The following IGSF21 variants were observed in gnomAD, a reference collection of about 807,000 sequenced individuals.
IGSF21 encodes the protein immunoglobin superfamily member 21, also known as immunoglobulin superfamily member 21.
In IGSF21, 28 loss-of-function variants were observed where a neutral mutation model predicts 46.8. The ratio of observed to expected loss-of-function variants is 0.60; its 90% CI spans 0.44 to 0.82. The LOEUF (loss-of-function observed/expected upper bound fraction) is 0.82. Ranked by LOEUF, IGSF21 falls within the 40% of genes least tolerant of loss-of-function variation. The pLI, the probability that IGSF21 is intolerant of heterozygous loss-of-function variation, is 0.00. For synonymous variants in IGSF21, 284 were observed against 273.6 expected, an observed-to-expected ratio of 1.04 and a Z score of -0.38; for missense variants, 624 against 665.5, an observed-to-expected ratio of 0.94 and a Z score of 0.69.
intron 2 of IGSF21, among the ~76,000 whole-genome samples, chr1:18,289,079 C>G (rs1167714691): frequency 6.6e-6 from 1 of 151,982 alleles, no homozygotes; most frequent in Non-Finnish European, 1.5e-5. Context: ...GTGTATTTTC[C>G]TCGTAATAAA....
At chr1:18,276,669 T>C (rs1026832489) in intron 2 of IGSF21, among the ~76,000 whole-genome samples, 4 of 152,176 alleles carry the variant, frequency 2.6e-5, no homozygotes, top group Non-Finnish European at 4.4e-5. Context: ...TGCTGAGAGC[T>C]GGGGTCACAA....
chr1:18,328,527 C>T (rs537370970), intron 3 of IGSF21, among the ~76,000 whole-genome samples: 1 of 152,122 alleles, frequency 6.6e-6, no homozygotes, highest in Non-Finnish European at 1.5e-5. Context: ...TGTCTTGTTC[C>T]CTTATATATA....
At chr1:18,363,401 T>C (rs1168155099) in intron 5 of IGSF21, among the ~76,000 whole-genome samples, 3 of 152,026 alleles carry the variant, frequency 2.0e-5, no homozygotes, top group Non-Finnish European at 4.4e-5. Flanking sequence ...GGGTGGTAAA[T>C]GGGTCTGTAG....
chr1:18,342,065 T>TTTG lies in IGSF21; in HGVS notation c.424+7057_424+7058insGTT, dbSNP rs547423721. 5.6e-5 allele frequency among the ~76,000 whole-genome samples: 7 copies of TTTG among 124,546 alleles called. No homozygotes were observed. The East Asian group carries it at 1.4e-3, about 24-fold the overall frequency. 81.7% of individuals were successfully genotyped at this position (124,546 alleles called of 152,430 possible). A position where few individuals can be genotyped will look rare whatever the true frequency, so the allele number is the denominator to read the frequency against. On this transcript the variant is annotated intron_variant, in intron 4 of 9. Coordinates refer to ENST00000251296, the MANE Select transcript of IGSF21 (RefSeq NM_032880.5). ...GGTGCATTTTCCTTGTTTTTTTTTT[T>TTTG]TTTGTTTGTTTGTTTGTTTGTTTGC...
intron 3 of IGSF21, among the ~76,000 whole-genome samples, chr1:18,293,955 C>A (rs2085290081): frequency 6.6e-6 from 1 of 152,224 alleles, no homozygotes; most frequent in Admixed American, 6.5e-5. Flanking sequence ...TACCAGAAGA[C>A]CCAGATGAAA....
At chr1:18,370,139 T>C (rs543266132) in intron 6 of IGSF21, among the ~76,000 whole-genome samples, 1 of 152,082 alleles carries the variant, frequency 6.6e-6, no homozygotes, top group South Asian at 2.1e-4. Context: ...GTTATTAGAG[T>C]AGCCTTCAAA....
chr1:18,236,548 G>A (rs2084674743), intron 2 of IGSF21, among the ~76,000 whole-genome samples: 1 of 152,198 alleles, frequency 6.6e-6, no homozygotes, highest in African/African-American at 2.4e-5. Flanking sequence ...AGCCGCTATT[G>A]AGGCCACAAA....
At chr1:18,303,348 C>T (rs1171884608) in intron 3 of IGSF21, among the ~76,000 whole-genome samples, 3 of 152,164 alleles carry the variant, frequency 2.0e-5, no homozygotes, top group Admixed American at 6.5e-5. Flanking sequence ...GCGACTTGCA[C>T]AAGAGCTGAG....
chr1:18,225,794 T>C (rs1204313901), intron 1 of IGSF21, among the ~76,000 whole-genome samples: 1 of 152,182 alleles, frequency 6.6e-6, no homozygotes, highest in Non-Finnish European at 1.5e-5. Flanking sequence ...GAAAAAAGTA[T>C]GCAGGCTGCA....
At chr1:18,306,724 C>T (rs542146070) in intron 3 of IGSF21, among the ~76,000 whole-genome samples, 1 of 152,342 alleles carries the variant, frequency 6.6e-6, no homozygotes, top group Admixed American at 6.5e-5. Flanking sequence ...AGTCCTGATC[C>T]TGTGACAGAG....
rs72942351 is a variant in IGSF21 at position 18,118,975 on chromosome 1, T to C, written c.70+10777T>C. Among the ~76,000 whole-genome samples the C allele has an allele frequency of 4.0e-3, 601 of 150,698 alleles. 2 individuals carry two copies. The highest frequency in any genetic ancestry group is 0.014 in the African/African-American group (579 of 40,802). Reference sequence around the variant, plus strand: ...TGTCTGATTGAGGAACTGAATTTTGTTGAAATCAGCTAAATAGAAGCTAAG... The same window carrying C: ...TGTCTGATTGAGGAACTGAATTTTGCTGAAATCAGCTAAATAGAAGCTAAG... On this transcript the variant is annotated intron_variant, in intron 1 of 9. Coordinates refer to ENST00000251296, the MANE Select transcript of IGSF21 (RefSeq NM_032880.5).
chr1:18,270,687 C>A (rs1169386918), intron 2 of IGSF21, among the ~76,000 whole-genome samples: 4 of 152,182 alleles, frequency 2.6e-5, no homozygotes, highest in Non-Finnish European at 5.9e-5. Flanking sequence ...AACAGCCGGG[C>A]TCCGTGACAA....
In IGSF21 at chr1:18,155,589, C is replaced by T. The variant is rs574586573; in HGVS notation, c.70+47391C>T. ...GGAAGAATGCACAGCATGCAGGGCC[C>T]CGGGTGCCCAAAAAGCTGGGGTGCC... On this transcript the variant is annotated intron_variant, in intron 1 of 9. Transcript: ENST00000251296. Among the ~76,000 whole-genome samples, 15 of 152,366 alleles carry T rather than the reference C, an allele frequency of 9.8e-5. 1 individual carries two copies. The South Asian group carries it at 3.1e-3, about 32-fold the overall frequency.
intron 1 of IGSF21, among the ~76,000 whole-genome samples, chr1:18,130,746 G>GA (rs1387599792): frequency 3.3e-5 from 5 of 152,142 alleles, no homozygotes; most frequent in African/African-American, 9.6e-5. Context: ...CATTTGTGGA[G>GA]AAAAAAAATG....
chr1:18,176,566 G>A (rs2086799716), intron 1 of IGSF21, among the ~76,000 whole-genome samples: 2 of 152,180 alleles, frequency 1.3e-5, no homozygotes, highest in African/African-American at 2.4e-5. Context: ...GATAATCCTC[G>A]GGAGCAGTTT....
At chr1:18,192,488 G>C (rs1442339501) in intron 1 of IGSF21, among the ~76,000 whole-genome samples, 1 of 152,240 alleles carries the variant, frequency 6.6e-6, no homozygotes, top group South Asian at 2.1e-4. Flanking sequence ...CGCCATGTGG[G>C]TGCTCACATT....
rs2084701736 is a variant in IGSF21 at position 18,239,230 on chromosome 1, T to C, written c.183+11220T>C. ...TGTCGGAAAAGGATTAAAGGTGAAC[T>C]TCAGCTCCAGCACACCAGTGAAAAG... On this transcript the variant is annotated intron_variant, in intron 2 of 9. Coordinates refer to ENST00000251296, the MANE Select transcript of IGSF21 (RefSeq NM_032880.5). Among the ~76,000 whole-genome samples, 3 of 152,160 alleles carry C rather than the reference T, an allele frequency of 2.0e-5. No individual in the cohort carries two copies. In the East Asian group the frequency reaches 5.8e-4, roughly 30 times the overall value.
At position 18,291,977 on chromosome 1, in the gene IGSF21, T is replaced by C; in HGVS notation, c.295T>C (p.Ser99Pro). Reference sequence around the variant, plus strand: ...CAAGCGAGAGGACCTGGTGTACCAGTCCACTGTGAGGTGAGTGCCTGGGGG... The same window carrying C: ...CAAGCGAGAGGACCTGGTGTACCAGCCCACTGTGAGGTGAGTGCCTGGGGG... ...YRKREDLVYQ[S>P]TVRLPEVRIS... Residue 99 changes from serine (S) to proline (P), a missense_variant, in exon 3 of 10, where the codon TCC (serine) becomes CCC (proline). Ser to Pro is a moderately conservative substitution (Grantham distance 74). Transcript: ENST00000251296. The C allele has an allele frequency of 6.2e-7, 1 of 1,609,594 alleles. No homozygotes were observed. The highest frequency in any genetic ancestry group is 8.5e-7 in the Non-Finnish European group (1 of 1,178,136).
At chr1:18,302,177 GC>G (rs55680255) in intron 3 of IGSF21, among the ~76,000 whole-genome samples, 108,844 of 135,256 alleles carry the variant, frequency 0.8, 41,264 homozygotes, top group East Asian at 0.95. Flanking sequence ...GGTGCTCCAG[GC>G]CCAAGCTCCA....
Sources: gnomAD v4.1 joint callset for allele counts (sites outside exome capture counted in the v4.1 genomes callset) on GRCh38, gnomAD v4.1.1 for gene constraint, MANE v1.5 for transcripts, NCBI Gene and HGNC (gene_info 2026-07-23, HGNC 2026-07-21) for gene names.